The following PPHLN1 variants were observed in gnomAD, a reference collection of about 807,000 sequenced individuals.
PPHLN1 encodes periphilin 1.
Under a neutral mutation model 51.3 loss-of-function variants are expected in PPHLN1, and 29 were observed. That is an observed-to-expected ratio of 0.57 (90% CI 0.42 to 0.77). The LOEUF (loss-of-function observed/expected upper bound fraction) is 0.77, where lower values mean the gene tolerates loss of function less well. PPHLN1 is among the 30% of genes least tolerant of loss of function. The pLI is 0.00. For missense variants in PPHLN1, 436 were observed against 438.4 expected (o/e 0.99, Z 0.05); for synonymous variants, 147 against 147.8 (o/e 0.99, Z 0.04).
chr12:42,350,780 C>G (rs185167557), intron 2 of PPHLN1, among the ~76,000 whole-genome samples: 2 of 152,086 alleles, frequency 1.3e-5, no homozygotes, highest in Non-Finnish European at 2.9e-5. Context: ...CCGGCCAACA[C>G]GGCGAAACCC....
chr12:42,391,738 A>AT (rs2077736028), intron 7 of PPHLN1, among the ~76,000 whole-genome samples: 2 of 152,184 alleles, frequency 1.3e-5, no homozygotes, highest in Non-Finnish European at 2.9e-5. Context: ...AGTATTACTT[A>AT]TAATACCTTT....
chr12:42,371,921 T>G (rs1483720682), intron 4 of PPHLN1, among the ~76,000 whole-genome samples: 2 of 152,190 alleles, frequency 1.3e-5, no homozygotes, highest in African/African-American at 4.8e-5. Context: ...TGTTAGATAA[T>G]ATTAATCTAA....
At chr12:42,422,665 A>G (rs569769072) in intron 9 of PPHLN1, among the ~76,000 whole-genome samples, 1 of 152,324 alleles carries the variant, frequency 6.6e-6, no homozygotes, top group African/African-American at 2.4e-5. Flanking sequence ...ATTTTAATAA[A>G]CATGCTACGT....
intron 9 of PPHLN1, among the ~76,000 whole-genome samples, chr12:42,427,073 A>T (rs2081569639): frequency 6.6e-6 from 1 of 152,128 alleles, no homozygotes; most frequent in African/African-American, 2.4e-5. Context: ...GTTGCCAGTT[A>T]ATTACTTTCT....
chr12:42,352,004 C>T lies in PPHLN1; in HGVS notation c.192C>T (p.Gly64=). 1.3e-6 allele frequency: 2 copies of T among 1,550,636 alleles called. No individual in the cohort carries two copies. The highest frequency in any genetic ancestry group is 1.4e-5 in the African/African-American group (1 of 70,956). ...TTGATTACCGAGACTATGACGAGGGCCGCAGTTTTTCTCATGATCGAAGAA... is the reference window on the plus strand; with the variant it reads ...TTGATTACCGAGACTATGACGAGGGTCGCAGTTTTTCTCATGATCGAAGAA... ...SHVDYRDYDE[G]RSFSHDRRSG... The change falls in exon 3 of 10, where the codon GGC becomes GGT. Residue 64 remains glycine (G), a synonymous_variant. Coordinates refer to ENST00000358314, the MANE Select transcript of PPHLN1 (RefSeq NM_201439.2).
chr12:42,349,286 C>T (rs1177560827), intron 2 of PPHLN1, among the ~76,000 whole-genome samples: 1 of 152,186 alleles, frequency 6.6e-6, no homozygotes, highest in African/African-American at 2.4e-5. Context: ...TTCCATTTCT[C>T]ATTTAGTCCT....
chr12:42,433,542 C>A (rs935713025), intron 9 of PPHLN1, among the ~76,000 whole-genome samples: 3 of 152,146 alleles, frequency 2.0e-5, no homozygotes, highest in African/African-American at 7.2e-5. Flanking sequence ...CCAGGATGGT[C>A]TCGATCTCCT....
intron 9 of PPHLN1, among the ~76,000 whole-genome samples, chr12:42,418,335 GA>G (rs1336875007): frequency 6.8e-6 from 1 of 146,706 alleles, no homozygotes; most frequent in East Asian, 2.1e-4. Flanking sequence ...AGAATATTTT[GA>G]AACTCAGCCT....
chr12:42,341,305 T>C (rs1329958811), intron 2 of PPHLN1, among the ~76,000 whole-genome samples: 1 of 152,042 alleles, frequency 6.6e-6, no homozygotes, highest in Non-Finnish European at 1.5e-5. Flanking sequence ...GTACACTCTT[T>C]GCCCCATTTA....
At chr12:42,446,719 G>A, downstream of PPHLN1, 1 of 1,451,884 alleles carries the variant, frequency 6.9e-7, no homozygotes, top group South Asian at 1.4e-5. Context: ...AGATGGTCAG[G>A]TTGGTAGGAG....
In PPHLN1 at chr12:42,423,679, A is replaced by ATT. The variant is rs11345292; in HGVS notation, c.910-17623_910-17622dup. Among the ~76,000 whole-genome samples, 1,341 of 147,828 alleles carry ATT rather than the reference A, an allele frequency of 9.1e-3. 20 individuals are homozygous for ATT. Among genetic ancestry groups the ATT allele is most frequent in the African/African-American group, 0.031 (1,246 of 40,132 alleles). Reference sequence around the variant, plus strand: ...TAATTGTTTAGCTTTTAACATGCAAATTTTTTTTTTTTTTCTGAGACTGAG... The same window carrying ATT: ...TAATTGTTTAGCTTTTAACATGCAAATTTTTTTTTTTTTTTTCTGAGACTGAG... On this transcript the variant is annotated intron_variant, in intron 9 of 9. Coordinates refer to ENST00000358314, the MANE Select transcript of PPHLN1 (RefSeq NM_201439.2).
intron 8 of PPHLN1, among the ~76,000 whole-genome samples, chr12:42,397,255 C>T (rs569418610): frequency 3.3e-5 from 5 of 152,232 alleles, no homozygotes; most frequent in Non-Finnish European, 5.9e-5. Flanking sequence ...TAATACAACT[C>T]AAGATCTTGA....
In PPHLN1 at chr12:42,440,535, T is replaced by G. The variant is rs74807653; in HGVS notation, c.910-780T>G. On this transcript the variant is annotated intron_variant, in intron 9 of 9. Coordinates refer to ENST00000358314, the MANE Select transcript of PPHLN1 (RefSeq NM_201439.2). ...TTTAAGGTTTTATGACCCAGAATGTTGTCTAACTTGGTTAATAGTCCATGA... is the reference window on the plus strand; with the variant it reads ...TTTAAGGTTTTATGACCCAGAATGTGGTCTAACTTGGTTAATAGTCCATGA... Among the ~76,000 whole-genome samples the G allele has an allele frequency of 2.2e-3, 334 of 152,366 alleles. 9 individuals are homozygous for G. In the East Asian group the frequency reaches 0.058, roughly 27 times the overall value.
chr12:42,379,257 T>G (rs948951994), intron 5 of PPHLN1, among the ~76,000 whole-genome samples: 55 of 152,056 alleles, frequency 3.6e-4, no homozygotes, highest in Non-Finnish European at 1.2e-4. Flanking sequence ...CTGTTAGTAT[T>G]TCTTTTGATA....
intron 9 of PPHLN1, among the ~76,000 whole-genome samples, chr12:42,405,560 A>C (rs928002254): frequency 6.6e-6 from 1 of 151,630 alleles, no homozygotes; most frequent in African/African-American, 2.4e-5. Context: ...TTCTTTCCTT[A>C]CTCTTCCTCT....
intron 2 of PPHLN1, among the ~76,000 whole-genome samples, chr12:42,337,751 T>TTTTTATTTTATTTTATTTTA (rs567793160): frequency 9.6e-4 from 137 of 142,352 alleles, no homozygotes; most frequent in Middle Eastern, 3.5e-3. Context: ...TACCTGGCTA[T>TTTTTATTTTATTTTATTTTA]TTTTATTTTA....
chr12:42,392,271 G>A (rs2077794457), intron 7 of PPHLN1, among the ~76,000 whole-genome samples: 1 of 152,118 alleles, frequency 6.6e-6, no homozygotes, highest in South Asian at 2.1e-4. Context: ...ATTTATTAAT[G>A]ACTTTGAGCA....
intron 9 of PPHLN1, among the ~76,000 whole-genome samples, chr12:42,420,363 C>T (rs1406090086): frequency 6.6e-6 from 1 of 151,266 alleles, no homozygotes. Flanking sequence ...GGTTTTTAGA[C>T]ATTTTGAAAC....
chr12:42,379,284 A>G (rs1362313959), intron 5 of PPHLN1, among the ~76,000 whole-genome samples: 2 of 151,958 alleles, frequency 1.3e-5, no homozygotes, highest in Non-Finnish European at 2.9e-5. Context: ...CTAAATCACA[A>G]TCCAGTCCTT....
Sources: gnomAD v4.1 joint callset for allele counts (sites outside exome capture counted in the v4.1 genomes callset) on GRCh38, gnomAD v4.1.1 for gene constraint, MANE v1.5 for transcripts, NCBI Gene and HGNC (gene_info 2026-07-23, HGNC 2026-07-21) for gene names.